CYB5A: variants seen among roughly 807,000 people sequenced by gnomAD.
CYB5A encodes cytochrome b5.
Under a neutral mutation model 16.2 loss-of-function variants are expected in CYB5A, and 10 were observed. The observed-to-expected ratio is 0.62, with a 90% CI of 0.38 to 1.04. The LOEUF (loss-of-function observed/expected upper bound fraction) is 1.04. CYB5A is among the 50% of genes least tolerant of loss of function. The probability of loss-of-function intolerance (pLI) is 0.01; values close to 1 mark genes in which losing one functional copy is unlikely to be tolerated. For missense variants in CYB5A, 161 were observed against 165.9 expected (o/e 0.97, Z 0.16); for synonymous variants, 62 against 57.0 (o/e 1.09, Z -0.40).
intron 1 of CYB5A, among the ~76,000 whole-genome samples, chr18:74,289,526 A>T (rs1395980081): frequency 6.6e-6 from 1 of 152,188 alleles, no homozygotes; most frequent in Non-Finnish European, 1.5e-5. Flanking sequence ...CTGTAATCCC[A>T]GCACTTTGGG....
chr18:74,277,636 A>G (rs1014799094), intron 1 of CYB5A, among the ~76,000 whole-genome samples: 4 of 152,230 alleles, frequency 2.6e-5, no homozygotes, highest in African/African-American at 9.6e-5. Flanking sequence ...ATGGCACAAA[A>G]GATGGAGGGA....
chr18:74,285,135 T>C (rs900317599), intron 1 of CYB5A, among the ~76,000 whole-genome samples: 2 of 152,198 alleles, frequency 1.3e-5, no homozygotes, highest in Non-Finnish European at 2.9e-5. Flanking sequence ...ACACCCATAC[T>C]CTGTTCCTCT....
intron 1 of CYB5A, among the ~76,000 whole-genome samples, chr18:74,285,926 A>C (rs1247847849): frequency 6.6e-6 from 1 of 152,136 alleles, no homozygotes; most frequent in Admixed American, 6.5e-5. Context: ...ATAAGGAGGT[A>C]ATTGCAGGTG....
At chr18:74,290,070 T>A (rs1983475791) in intron 1 of CYB5A, among the ~76,000 whole-genome samples, 1 of 152,052 alleles carries the variant, frequency 6.6e-6, no homozygotes, top group South Asian at 2.1e-4. Flanking sequence ...TTAGAGTTAA[T>A]GAGAATTGAT....
intron 1 of CYB5A, among the ~76,000 whole-genome samples, chr18:74,280,993 G>A (rs1983076770): frequency 6.6e-6 from 1 of 152,122 alleles, no homozygotes; most frequent in Non-Finnish European, 1.5e-5. Context: ...TGCTGTCGGG[G>A]GCAGGAGGGG....
chr18:74,257,909 C>A (rs74504792), intron 3 of CYB5A: 8,195 of 152,136 alleles, frequency 0.054, 518 homozygotes, highest in East Asian at 0.19. Flanking sequence ...CAGAGTGAGA[C>A]CCCGTCTCAA....
Position 74,253,614 on chromosome 18 carries a change from C to A in CYB5A, c.375G>T (p.Leu125Phe), listed in dbSNP as rs780865230. Reference sequence around the variant, plus strand: ...CCTCTGCCATGTATAGGCGATACATCAAGGCGACGGCCACTGCAGAGATGG... The same window carrying A: ...CCTCTGCCATGTATAGGCGATACATAAAGGCGACGGCCACTGCAGAGATGG... ...IPAISAVAVA[L>F]MYRLYMAED Residue 125 changes from leucine to phenylalanine, a missense_variant, in exon 5 of 5, where the codon TTG becomes TTT. Transcript: ENST00000340533. 1.2e-6 allele frequency: 2 copies of A among 1,613,496 alleles called. No individual in the cohort carries two copies. The highest frequency in any genetic ancestry group is 1.1e-5 in the South Asian group (1 of 91,026).
At chr18:74,268,127 C>T (rs988878105) in intron 1 of CYB5A, among the ~76,000 whole-genome samples, 10 of 152,236 alleles carry the variant, frequency 6.6e-5, no homozygotes, top group Non-Finnish European at 1.3e-4. Flanking sequence ...AAGATAGCGA[C>T]GGCTCCCGCC....
At chr18:74,282,362 C>A (rs1171479785) in intron 1 of CYB5A, among the ~76,000 whole-genome samples, 1 of 152,036 alleles carries the variant, frequency 6.6e-6, no homozygotes, top group African/African-American at 2.4e-5. Flanking sequence ...CGGACAAGGG[C>A]CACAGAGTAA....
chr18:74,281,056 T>TA (rs1250068282), intron 1 of CYB5A, among the ~76,000 whole-genome samples: 4 of 151,654 alleles, frequency 2.6e-5, no homozygotes, highest in Non-Finnish European at 4.4e-5. Context: ...GTAGACATGG[T>TA]AAAAAATTGG....
chr18:74,273,495 T>A (rs573004178), intron 1 of CYB5A, among the ~76,000 whole-genome samples: 1 of 152,230 alleles, frequency 6.6e-6, no homozygotes, highest in Non-Finnish European at 1.5e-5. Flanking sequence ...TTTCATTTCA[T>A]CCTTAATTAA....
rs145972477 is a variant in CYB5A, at chr18:74,278,323, C to G, written c.129+13424G>C. Among the ~76,000 whole-genome samples the G allele has an allele frequency of 1.1e-4, 17 of 152,318 alleles. No homozygotes were observed. In the East Asian group the frequency reaches 2.9e-3, roughly 26 times the overall value. On this transcript the variant is annotated intron_variant, in intron 1 of 4. Transcript: ENST00000340533. ...CCTGAGTCCCTCAGGCACAGTCTAT[C>G]TGGCAGCTACCCATCTGCAGGATTA... is the stretch of plus-strand genomic sequence containing the variant.
chr18:74,285,864 AAGT>A (rs1983299581), intron 1 of CYB5A, among the ~76,000 whole-genome samples: 2 of 148,000 alleles, frequency 1.4e-5, no homozygotes, highest in South Asian at 2.2e-4. Flanking sequence ...AAAAAAAAAA[AAGT>A]AGAAGTGTAC....
chr18:74,270,309 C>T (rs1209940900), intron 1 of CYB5A, among the ~76,000 whole-genome samples: 1 of 152,122 alleles, frequency 6.6e-6, no homozygotes, highest in African/African-American at 2.4e-5. Flanking sequence ...AATCCCAACA[C>T]TTTGGGAGAC....
At chr18:74,266,545 G>C (rs1369056396) in intron 1 of CYB5A, among the ~76,000 whole-genome samples, 2 of 152,138 alleles carry the variant, frequency 1.3e-5, no homozygotes, top group Non-Finnish European at 2.9e-5. Context: ...ACAGAATTCT[G>C]ATCTTTACAG....
chr18:74,280,150 G>T (rs571673077), intron 1 of CYB5A, among the ~76,000 whole-genome samples: 6 of 152,304 alleles, frequency 3.9e-5, no homozygotes, highest in African/African-American at 1.4e-4. Context: ...CTCAAAGGAG[G>T]TGAGGCAGGG....
chr18:74,267,923 G>A (rs900972286), intron 1 of CYB5A, among the ~76,000 whole-genome samples: 2 of 152,214 alleles, frequency 1.3e-5, no homozygotes, highest in Non-Finnish European at 2.9e-5. Flanking sequence ...GGGAGAGGAT[G>A]TCGCGGGTCA....
At position 74,252,616 on chromosome 18, in the gene CYB5A, C is replaced by T. The variant is rs924994069; in HGVS notation, c.*968G>A. The T allele has an allele frequency of 5.3e-5, 8 of 152,326 alleles. No homozygotes were observed. The highest frequency in any genetic ancestry group is 3.4e-3 in the Middle Eastern group (1 of 294). 9.4% of individuals were successfully genotyped at this position (152,326 alleles called of 1,614,324 possible). On this transcript the variant is annotated 3_prime_UTR_variant, in exon 5 of 5. Transcript: ENST00000340533. Reference sequence around the variant, plus strand: ...TGTAAGCTGAGAGAATGGACAGTTGCGATGCCCTCTCATGGTTCATGTGTT... The same window carrying T: ...TGTAAGCTGAGAGAATGGACAGTTGTGATGCCCTCTCATGGTTCATGTGTT...
chr18:74,269,894 G>A (rs1402295460), intron 1 of CYB5A, among the ~76,000 whole-genome samples: 1 of 152,122 alleles, frequency 6.6e-6, no homozygotes, highest in Non-Finnish European at 1.5e-5. Flanking sequence ...ATGGTACCCT[G>A]GGAAAGGATC....
Sources: gnomAD v4.1 joint callset for allele counts (sites outside exome capture counted in the v4.1 genomes callset) on GRCh38, gnomAD v4.1.1 for gene constraint, MANE v1.5 for transcripts, NCBI Gene and HGNC (gene_info 2026-07-23, HGNC 2026-07-21) for gene names.